Variants in KMT2C observed in about 807,000 individuals in gnomAD.
The protein encoded by KMT2C is lysine methyltransferase 2C.
A neutral mutation model predicts 507.9 loss-of-function variants in KMT2C; 88 were observed. The observed-to-expected ratio is 0.17, with a 90% CI of 0.15 to 0.21. The LOEUF (loss-of-function observed/expected upper bound fraction) is 0.21, where lower values mean the gene tolerates loss of function less well. KMT2C is among the 10% of genes least tolerant of loss of function. KMT2C has a pLI of 1.00. For missense variants in KMT2C, 4,954 were observed against 5,957.8 expected, an observed-to-expected ratio of 0.83 and a Z score of 5.55; for synonymous variants, 2,049 against 2,080.8, an observed-to-expected ratio of 0.98 and a Z score of 0.42.
At chr7:152,390,215 TA>T (rs1418928508) in intron 1 of KMT2C, among the ~76,000 whole-genome samples, 1 of 100,254 alleles carries the variant, frequency 1.0e-5, no homozygotes, top group Admixed American at 9.2e-5. Flanking sequence ...TAAAATAAAA[TA>T]AATTTTTTTT....
In KMT2C at chr7:152,428,006, G is replaced by C. The variant is rs1376028020; in HGVS notation, c.161+7620C>G. On this transcript the variant is annotated intron_variant, in intron 1 of 58. Coordinates refer to ENST00000262189, the MANE Select transcript of KMT2C (RefSeq NM_170606.3). ...TTATCTCTGCCTCCAGGTAACTCCT[G>C]TCTCCATATTATTACCACAGTGTTT... Among the ~76,000 whole-genome samples the C allele has an allele frequency of 2.0e-5, 3 of 152,054 alleles. No individual in the cohort carries two copies. The East Asian group carries it at 5.8e-4, about 29-fold the overall frequency.
rs1183647135 is a variant in KMT2C, at chr7:152,394,606, A to G, written c.162-35931T>C. On this transcript the variant is annotated intron_variant, in intron 1 of 58. Coordinates refer to ENST00000262189, the MANE Select transcript of KMT2C (RefSeq NM_170606.3). Reference sequence around the variant, plus strand: ...CAACCCAGCCCTTCCCGTCCCTTCCATGGCTTTATTTTTTTCCATAAAACT... The same window carrying G: ...CAACCCAGCCCTTCCCGTCCCTTCCGTGGCTTTATTTTTTTCCATAAAACT... Among the ~76,000 whole-genome samples, 12 of 152,280 alleles carry G rather than the reference A, an allele frequency of 7.9e-5. No homozygotes were observed. The East Asian group carries it at 2.3e-3, about 29-fold the overall frequency.
At chr7:152,244,987 T>C (rs1399513411) in intron 14 of KMT2C, among the ~76,000 whole-genome samples, 1 of 152,224 alleles carries the variant, frequency 6.6e-6, no homozygotes, top group Admixed American at 6.5e-5. Flanking sequence ...ATAATGGATG[T>C]CCAATACCTG....
chr7:152,315,406 C>A (rs2129202842), intron 3 of KMT2C, 68 bp from the exon 4 acceptor site: 1 of 1,069,840 alleles, frequency 9.3e-7, no homozygotes, highest in South Asian at 1.3e-5. Context: ...TAAGCGATAA[C>A]TATAGATACT....
At chr7:152,163,871 G>A in intron 42 of KMT2C, 45 bp from the exon 43 acceptor site, 3 of 1,562,830 alleles carry the variant, frequency 1.9e-6, no homozygotes, top group Non-Finnish European at 2.6e-6. Context: ...TACAGCATAG[G>A]TACTGAAGTA....
intron 1 of KMT2C, chr7:152,367,142 C>G: frequency 2.4e-6 from 3 of 1,232,684 alleles, no homozygotes; most frequent in Non-Finnish European, 3.5e-6. Flanking sequence ...AAATCTAGCA[C>G]TGGAGAAACG....
At chr7:152,143,496 C>T (rs545150545) in intron 55 of KMT2C, among the ~76,000 whole-genome samples, 54 of 152,332 alleles carry the variant, frequency 3.5e-4, no homozygotes, top group African/African-American at 1.2e-3. Flanking sequence ...CTGGGGCCCC[C>T]GAACCTGCAC....
chr7:152,308,120 T>C (rs1359982919), intron 6 of KMT2C, among the ~76,000 whole-genome samples: 1 of 152,168 alleles, frequency 6.6e-6, no homozygotes, highest in Non-Finnish European at 1.5e-5. Context: ...TAATGTAAAA[T>C]TTCCAAAACA....
intron 9 of KMT2C, among the ~76,000 whole-genome samples, chr7:152,262,255 T>G (rs2095793463): frequency 6.6e-6 from 1 of 152,118 alleles, no homozygotes; most frequent in African/African-American, 2.4e-5. Context: ...ATGCTGTGCC[T>G]TCCACTCCCG....
At chr7:152,186,040 T>TA (rs2093617091) in intron 33 of KMT2C, among the ~76,000 whole-genome samples, 1 of 152,202 alleles carries the variant, frequency 6.6e-6, no homozygotes, top group Non-Finnish European at 1.5e-5. Flanking sequence ...AGCATCTCAC[T>TA]AGCATTTGTG....
chr7:152,346,364 A>C (rs1412522867), intron 2 of KMT2C, among the ~76,000 whole-genome samples: 1 of 152,254 alleles, frequency 6.6e-6, no homozygotes, highest in Non-Finnish European at 1.5e-5. Flanking sequence ...ATTTTTAAAA[A>C]TAGAAATCAT....
intron 43 of KMT2C, among the ~76,000 whole-genome samples, 163 bp from the exon 44 acceptor site, chr7:152,159,235 A>G (rs2092297542): frequency 6.6e-6 from 1 of 152,238 alleles, no homozygotes; most frequent in South Asian, 2.1e-4. Context: ...CAAAAACACC[A>G]TCCTTTTCTT....
At chr7:152,201,293 G>GACACAC (rs3839689) in intron 26 of KMT2C, among the ~76,000 whole-genome samples, 1,618 of 137,032 alleles carry the variant, frequency 0.012, 12 homozygotes, top group African/African-American at 0.015. Context: ...TACAGACACA[G>GACACAC]ACACACACAC....
At chr7:152,311,716 A>AT in intron 5 of KMT2C, 82 bp downstream of exon 5, 1 of 976,940 alleles carries the variant, frequency 1.0e-6, no homozygotes, top group Non-Finnish European at 1.5e-6. Context: ...AAAGGTATTT[A>AT]TTATTGAGGA....
chr7:152,341,327 T>A (rs1312239899), intron 2 of KMT2C, among the ~76,000 whole-genome samples: 2 of 152,208 alleles, frequency 1.3e-5, no homozygotes, highest in Non-Finnish European at 2.9e-5. Context: ...TACGTGGCAA[T>A]AAGAAGCTGA....
chr7:152,406,827 T>TTA (rs1199521150), intron 1 of KMT2C, among the ~76,000 whole-genome samples: 3,826 of 117,068 alleles, frequency 0.033, no homozygotes, highest in East Asian at 0.096. Context: ...AAAAAGGGTT[T>TTA]TTTTATTTTT....
At chr7:152,215,700 TACAC>T (rs1243828222) in intron 23 of KMT2C, among the ~76,000 whole-genome samples, 1 of 135,772 alleles carries the variant, frequency 7.4e-6, no homozygotes. Context: ...CACACACACA[TACAC>T]ACACAAAATA....
chr7:152,204,307 T>G (rs2094232566), intron 25 of KMT2C, among the ~76,000 whole-genome samples: 1 of 151,864 alleles, frequency 6.6e-6, no homozygotes, highest in South Asian at 2.1e-4. Flanking sequence ...AAAACAAAAT[T>G]TTTTTTAGAT....
chr7:152,381,150 G>C (rs915057262), intron 1 of KMT2C, among the ~76,000 whole-genome samples: 4 of 152,116 alleles, frequency 2.6e-5, no homozygotes, highest in Non-Finnish European at 5.9e-5. Context: ...AATTCACAAT[G>C]AAAATCTGAC....
Sources: allele counts gnomAD v4.1 joint callset (sites outside exome capture counted in the v4.1 genomes callset), GRCh38; gene constraint gnomAD v4.1.1; transcripts MANE v1.5; gene names NCBI Gene and HGNC (gene_info 2026-07-23, HGNC 2026-07-21).